VAV3: variants seen among roughly 807,000 people sequenced by gnomAD.
VAV3 encodes the protein guanine nucleotide exchange factor VAV3.
Under a neutral mutation model 131.2 loss-of-function variants are expected in VAV3, and 94 were observed. The observed-to-expected ratio is 0.72, with a 90% CI of 0.61 to 0.85. The LOEUF is 0.85. Ranked by LOEUF, VAV3 falls within the 40% of genes least tolerant of loss-of-function variation. VAV3 has a pLI of 0.00. For missense variants in VAV3, 939 were observed against 1,002.7 expected, an observed-to-expected ratio of 0.94 and a Z score of 0.86; for synonymous variants, 349 against 342.0, an observed-to-expected ratio of 1.02 and a Z score of -0.22.
At chr1:107,768,594 C>T (rs377057379) in intron 6 of VAV3, 85 bp from the exon 7 acceptor site, 11 of 1,150,566 alleles carry the variant, frequency 9.6e-6, no homozygotes, top group African/African-American at 6.3e-5. Flanking sequence ...ACAACAAATA[C>T]GTTTTGAAAG....
intron 1 of VAV3, among the ~76,000 whole-genome samples, chr1:107,951,186 C>T (rs1004078540): frequency 6.6e-6 from 1 of 152,158 alleles, no homozygotes; most frequent in Non-Finnish European, 1.5e-5. Flanking sequence ...TCACATAACT[C>T]TCTCTCTACT....
chr1:107,894,463 T>C (rs1671473346), intron 1 of VAV3, among the ~76,000 whole-genome samples: 1 of 152,146 alleles, frequency 6.6e-6, no homozygotes, highest in African/African-American at 2.4e-5. Flanking sequence ...TAAAACAAGC[T>C]GAACTCTCAT....
intron 20 of VAV3, among the ~76,000 whole-genome samples, chr1:107,623,060 C>T (rs765558248): frequency 2.6e-5 from 4 of 152,142 alleles, no homozygotes; most frequent in Non-Finnish European, 5.9e-5. Flanking sequence ...GATTTTTAAT[C>T]ACAGCTGCAG....
intron 21 of VAV3, among the ~76,000 whole-genome samples, chr1:107,612,888 C>A (rs1652861424): frequency 6.6e-6 from 1 of 152,030 alleles, no homozygotes; most frequent in Non-Finnish European, 1.5e-5. Context: ...TTTTAGCTAC[C>A]CTGCATGGTA....
At chr1:107,896,717 A>C (rs975956327) in intron 1 of VAV3, among the ~76,000 whole-genome samples, 1 of 152,072 alleles carries the variant, frequency 6.6e-6, no homozygotes, top group African/African-American at 2.4e-5. Flanking sequence ...CAATTTTGTT[A>C]TTAATCAGGG....
chr1:107,954,673 T>A (rs1275706500), intron 1 of VAV3, among the ~76,000 whole-genome samples: 2 of 151,194 alleles, frequency 1.3e-5, no homozygotes, highest in Non-Finnish European at 2.9e-5. Flanking sequence ...TTTAACTCAA[T>A]ATCTGACTAG....
intron 19 of VAV3, among the ~76,000 whole-genome samples, chr1:107,673,368 C>T (rs536848343): frequency 6.6e-6 from 1 of 152,146 alleles, no homozygotes; most frequent in East Asian, 1.9e-4. Flanking sequence ...GAATGGCTCT[C>T]CTGCTCCAAC....
intron 2 of VAV3, among the ~76,000 whole-genome samples, 171 bp from the exon 3 acceptor site, chr1:107,779,663 T>G (rs1665575689): frequency 6.6e-6 from 1 of 152,122 alleles, no homozygotes; most frequent in Admixed American, 6.6e-5. Context: ...AACACCTGGA[T>G]TATAATTTTA....
intron 20 of VAV3, among the ~76,000 whole-genome samples, chr1:107,638,739 A>G (rs1570662797): frequency 6.6e-6 from 1 of 152,252 alleles, no homozygotes; most frequent in East Asian, 1.9e-4. Flanking sequence ...GAAAAAAGGA[A>G]AAGAACAAAT....
In VAV3 at chr1:107,754,419, C is replaced by T. The variant is rs60098914; in HGVS notation, c.1173+1008G>A. ...TGTTTCAGAGAAAGCAGCGATGAAA[C>T]TGCTCTACCAAAAATGTATCTTAAA... On this transcript the variant is annotated intron_variant, in intron 12 of 26. Coordinates refer to ENST00000370056, the MANE Select transcript of VAV3 (RefSeq NM_006113.5). 8.4e-3 allele frequency among the ~76,000 whole-genome samples: 1,280 copies of T among 152,266 alleles called. 17 individuals carry two copies. Among genetic ancestry groups the T allele is most frequent in the African/African-American group, 0.029 (1,205 of 41,530 alleles).
chr1:107,707,334 C>T (rs1397414887), intron 15 of VAV3, among the ~76,000 whole-genome samples: 1 of 152,146 alleles, frequency 6.6e-6, no homozygotes, highest in African/African-American at 2.4e-5. Flanking sequence ...GGGCTTACAT[C>T]CTAACTTGCA....
intron 2 of VAV3, among the ~76,000 whole-genome samples, chr1:107,847,340 C>T (rs1669016031): frequency 6.6e-6 from 1 of 152,028 alleles, no homozygotes; most frequent in South Asian, 2.1e-4. Flanking sequence ...AAAATCGCCA[C>T]CCTAATATCA....
intron 1 of VAV3, among the ~76,000 whole-genome samples, chr1:107,959,272 A>T (rs1282180036): frequency 8.3e-6 from 1 of 120,964 alleles, no homozygotes; most frequent in Non-Finnish European, 1.6e-5. Context: ...AAAATAAATA[A>T]ATTAATTAAT....
intron 1 of VAV3, among the ~76,000 whole-genome samples, chr1:107,879,785 T>G (rs1236975842): frequency 6.6e-6 from 1 of 152,192 alleles, no homozygotes; most frequent in Non-Finnish European, 1.5e-5. Context: ...TTTGTTAGAA[T>G]TTAGAATTTC....
At chr1:107,864,356 T>A (rs1277436929) in intron 2 of VAV3, among the ~76,000 whole-genome samples, 1 of 152,190 alleles carries the variant, frequency 6.6e-6, no homozygotes, top group African/African-American at 2.4e-5. Context: ...TCGTGGTGGC[T>A]CATGCCTATA....
chr1:107,792,400 C>T lies in VAV3; in HGVS notation c.322-12908G>A, dbSNP rs548834322. On this transcript the variant is annotated intron_variant, in intron 2 of 26. Transcript: ENST00000370056. ...GTGGCACACTGCAGCCTCAAACACA[C>T]GGGCTCAAGTGATCCTCCCACCTCA... Among the ~76,000 whole-genome samples, 8 of 152,278 alleles carry T rather than the reference C, an allele frequency of 5.3e-5. No homozygotes were observed. In the East Asian group the frequency reaches 7.7e-4, roughly 15 times the overall value.
rs1199961657 is a variant in VAV3, at chr1:107,669,473, C to T, written c.1777+14015G>A. On this transcript the variant is annotated intron_variant, in intron 19 of 26. Transcript: ENST00000370056. ...AAGAAATGAAGGAGACAGGGCACAT[C>T]TAATAAAGACAAGAAAGAAATAAAC... 6 of 1,284,580 alleles carry T rather than the reference C, an allele frequency of 4.7e-6. No homozygotes were observed. The South Asian group carries it at 5.0e-5, about 11-fold the overall frequency. 79.6% of individuals were successfully genotyped at this position (1,284,580 alleles called of 1,614,324 possible). A position where few individuals can be genotyped will look rare whatever the true frequency, so the allele number is the denominator to read the frequency against.
chr1:107,899,916 T>C (rs1671775656), intron 1 of VAV3, among the ~76,000 whole-genome samples: 1 of 152,190 alleles, frequency 6.6e-6, no homozygotes, highest in Admixed American at 6.5e-5. Context: ...GGCTCTTTAG[T>C]TTCCTGAAAC....
intron 2 of VAV3, among the ~76,000 whole-genome samples, chr1:107,850,077 C>T (rs1669149986): frequency 6.6e-6 from 1 of 152,056 alleles, no homozygotes; most frequent in Non-Finnish European, 1.5e-5. Context: ...ACAACAGATG[C>T]TGGAGAGGAT....
Sources: allele counts gnomAD v4.1 joint callset (sites outside exome capture counted in the v4.1 genomes callset), GRCh38; gene constraint gnomAD v4.1.1; transcripts MANE v1.5; gene names NCBI Gene and HGNC (gene_info 2026-07-23, HGNC 2026-07-21).